FAM171A1: variants seen among roughly 807,000 people sequenced by gnomAD.
FAM171A1 encodes protein FAM171A1.
In FAM171A1, 23 loss-of-function variants were observed where a neutral mutation model predicts 74.9. The observed-to-expected ratio is 0.31, with a 90% CI of 0.22 to 0.44. FAM171A1 has a LOEUF of 0.44. Among genes scored for constraint, FAM171A1 ranks in the 20% least tolerant of loss-of-function variants. The pLI, the probability that FAM171A1 is intolerant of heterozygous loss-of-function variation, is 1.00. For synonymous variants in FAM171A1, 527 were observed against 505.7 expected (o/e 1.04, Z -0.57); for missense variants, 1,162 against 1,159.2 (o/e 1.00, Z -0.03).
rs576358258 is a variant in FAM171A1 at position 15,219,489 on chromosome 10, C to A, written c.871+1455G>T. ...TCCTTTGTTTCTCTTCAGTCATAAT[C>A]TAGGTATTTCAGATTCAGAGAATGG... On this transcript the variant is annotated intron_variant, in intron 6 of 7. Transcript: ENST00000378116. Among the ~76,000 whole-genome samples, 22 of 152,278 alleles carry A rather than the reference C, an allele frequency of 1.4e-4. No individual in the cohort carries two copies. In the South Asian group the frequency reaches 3.9e-3, roughly 27 times the overall value.
chr10:15,269,557 G>A (rs547083691), intron 3 of FAM171A1, among the ~76,000 whole-genome samples: 1 of 152,272 alleles, frequency 6.6e-6, no homozygotes, highest in South Asian at 2.1e-4. Context: ...AGCAGGAGGG[G>A]CAAGATCATG....
chr10:15,286,572 G>A (rs1053046929), intron 1 of FAM171A1, among the ~76,000 whole-genome samples: 7 of 152,202 alleles, frequency 4.6e-5, no homozygotes, highest in East Asian at 1.9e-4. Flanking sequence ...ATGATCCACC[G>A]CGCCTGGCCT....
intron 6 of FAM171A1, among the ~76,000 whole-genome samples, chr10:15,216,536 TC>T (rs1462368284): frequency 6.6e-6 from 1 of 152,020 alleles, no homozygotes; most frequent in Admixed American, 6.6e-5. Context: ...GCTGCATCAA[TC>T]CTCCTGCCTC....
rs146732015 is a variant in FAM171A1 at position 15,258,489 on chromosome 10, C to T, written c.419-3610G>A. Among the ~76,000 whole-genome samples the T allele has an allele frequency of 4.6e-5, 7 of 152,270 alleles. No homozygotes were observed. In the East Asian group the frequency reaches 1.3e-3, roughly 29 times the overall value. On this transcript the variant is annotated intron_variant, in intron 3 of 7. Transcript: ENST00000378116. ...CTCTTTCTCTATAGGCTTTTCCTCCCCAACCAACAAAAATACTCATTTTTT... is the reference window on the plus strand; with the variant it reads ...CTCTTTCTCTATAGGCTTTTCCTCCTCAACCAACAAAAATACTCATTTTTT...
At chr10:15,214,715 A>C in intron 7 of FAM171A1, 114 bp from the exon 8 acceptor site, 1 of 1,390,108 alleles carries the variant, frequency 7.2e-7, no homozygotes, top group Non-Finnish European at 9.5e-7. Context: ...ACAAAACAAA[A>C]CAAGTCAGGA....
intron 5 of FAM171A1, among the ~76,000 whole-genome samples, chr10:15,223,267 CCCG>C (rs1834062579): frequency 6.6e-6 from 1 of 152,228 alleles, no homozygotes; most frequent in Non-Finnish European, 1.5e-5. Context: ...TGCTCCTACT[CCCG>C]CTCCAGGCTT....
At chr10:15,346,467 G>A (rs1386519304) in intron 1 of FAM171A1, among the ~76,000 whole-genome samples, 1 of 152,192 alleles carries the variant, frequency 6.6e-6, no homozygotes, top group African/African-American at 2.4e-5. Flanking sequence ...GCCACAGGCA[G>A]GAAAATGATT....
chr10:15,279,653 C>G (rs1009077863), intron 2 of FAM171A1, among the ~76,000 whole-genome samples: 21 of 152,156 alleles, frequency 1.4e-4, no homozygotes, highest in African/African-American at 5.1e-4. Flanking sequence ...GGCTTGGTGG[C>G]TCATGTCTGT....
chr10:15,216,279 A>G (rs1237034008), intron 6 of FAM171A1, among the ~76,000 whole-genome samples, 169 bp from the exon 7 acceptor site: 1 of 152,202 alleles, frequency 6.6e-6, no homozygotes, highest in East Asian at 1.9e-4. Context: ...CCAGCATTGC[A>G]TTAGTGATTA....
Position 15,225,209 on chromosome 10 carries a change from T to C in FAM171A1, c.755-4149A>G, listed in dbSNP as rs576295558. ...GTTTTCTTCTCAGCACCTAGAGATATGCATAGAGTAGGAACTCCAGAGACC... is the reference window on the plus strand; with the variant it reads ...GTTTTCTTCTCAGCACCTAGAGATACGCATAGAGTAGGAACTCCAGAGACC... On this transcript the variant is annotated intron_variant, in intron 5 of 7. Coordinates refer to ENST00000378116, the MANE Select transcript of FAM171A1 (RefSeq NM_001010924.2). 2.0e-5 allele frequency among the ~76,000 whole-genome samples: 3 copies of C among 152,294 alleles called. No individual in the cohort carries two copies. The South Asian group carries it at 6.2e-4, about 32-fold the overall frequency.
chr10:15,261,941 C>T (rs1422729458), intron 3 of FAM171A1, among the ~76,000 whole-genome samples: 1 of 152,108 alleles, frequency 6.6e-6, no homozygotes, highest in Admixed American at 6.6e-5. Flanking sequence ...AACATAGACC[C>T]CATCTCTACA....
chr10:15,272,072 T>C (rs1834832389), intron 3 of FAM171A1, among the ~76,000 whole-genome samples: 1 of 152,196 alleles, frequency 6.6e-6, no homozygotes. Context: ...AATGCTCCAA[T>C]TAAAAGACAC....
At chr10:15,367,585 CT>C (rs1387067272) in intron 1 of FAM171A1, among the ~76,000 whole-genome samples, 9 of 152,162 alleles carry the variant, frequency 5.9e-5, no homozygotes, top group Admixed American at 5.2e-4. Flanking sequence ...GATGATCCTC[CT>C]GATACCTTAC....
At position 15,341,780 on chromosome 10, in the gene FAM171A1, C is replaced by T. The variant is rs115000254; in HGVS notation, c.97+29176G>A. ...CTTAATATACCCTGACACATCACGA[C>T]AGAAAAGGGACCCTTCTGAAAAGAC... On this transcript the variant is annotated intron_variant, in intron 1 of 7. Coordinates refer to ENST00000378116, the MANE Select transcript of FAM171A1 (RefSeq NM_001010924.2). Among the ~76,000 whole-genome samples the T allele has an allele frequency of 2.6e-3, 403 of 152,204 alleles. 1 individual carries two copies. Among genetic ancestry groups the T allele is most frequent in the African/African-American group, 8.2e-3 (341 of 41,538 alleles).
intron 1 of FAM171A1, among the ~76,000 whole-genome samples, chr10:15,296,803 T>C (rs774692090): frequency 6.6e-6 from 1 of 152,050 alleles, no homozygotes; most frequent in Non-Finnish European, 1.5e-5. Context: ...TAGACATCCA[T>C]TTGAATGACC....
chr10:15,269,182 C>T (rs539291102), intron 3 of FAM171A1, among the ~76,000 whole-genome samples: 8 of 152,262 alleles, frequency 5.3e-5, no homozygotes, highest in African/African-American at 1.2e-4. Flanking sequence ...GATACGATCA[C>T]GGTTCACTGC....
chr10:15,315,867 G>A (rs541079953), intron 1 of FAM171A1, among the ~76,000 whole-genome samples: 2 of 152,242 alleles, frequency 1.3e-5, no homozygotes, highest in Non-Finnish European at 2.9e-5. Flanking sequence ...TCAATATAAG[G>A]TAGAAAATAC....
chr10:15,253,987 CT>C (rs1017119089), intron 4 of FAM171A1, among the ~76,000 whole-genome samples: 9 of 152,172 alleles, frequency 5.9e-5, no homozygotes, highest in Non-Finnish European at 1.3e-4. Flanking sequence ...TTTCTCTGAT[CT>C]TTTAGCTGTG....
chr10:15,359,653 C>G (rs182817626), intron 1 of FAM171A1, among the ~76,000 whole-genome samples: 2 of 152,270 alleles, frequency 1.3e-5, no homozygotes, highest in Admixed American at 6.5e-5. Context: ...CTATGGATTT[C>G]AAGATAAAGA....
Sources: gnomAD v4.1 joint callset for allele counts (sites outside exome capture counted in the v4.1 genomes callset) on GRCh38, gnomAD v4.1.1 for gene constraint, MANE v1.5 for transcripts, NCBI Gene and HGNC (gene_info 2026-07-23, HGNC 2026-07-21) for gene names.